The following TRMU variants were observed in gnomAD, a reference collection of about 807,000 sequenced individuals.
TRMU encodes mitochondrial tRNA-specific 2-thiouridylase 1.
In TRMU, 49 loss-of-function variants were observed where a neutral mutation model predicts 46.9. That is an observed-to-expected ratio of 1.05 (90% CI 0.83 to 1.33). The LOEUF is 1.33. TRMU is among the 40% of genes most tolerant of loss of function. The pLI is 0.00. For missense variants in TRMU, 572 were observed against 532.4 expected (o/e 1.07, Z -0.73); for synonymous variants, 241 against 200.9 (o/e 1.20, Z -1.69).
Position 46,335,740 on chromosome 22 carries a change from GCTGGCGAAGTTGGGCGA to G in TRMU, c.-18_-2del. Reference sequence around the variant, plus strand: ...AGGCGCGGAAGCGGCGGTAGCTGCAGCTGGCGAAGTTGGGCGACTGGCGGATGCAGGCCTTGCGGCAC... The same window carrying G: ...AGGCGCGGAAGCGGCGGTAGCTGCAGCTGGCGGATGCAGGCCTTGCGGCAC... On this transcript the variant is annotated 5_prime_UTR_variant, in exon 1 of 11. Coordinates refer to ENST00000645190, the MANE Select transcript of TRMU (RefSeq NM_018006.5). 3 of 1,544,504 alleles carry G rather than the reference GCTGGCGAAGTTGGGCGA, an allele frequency of 1.9e-6. No homozygotes were observed. Among genetic ancestry groups the G allele is most frequent in the Admixed American group, 3.9e-5 (2 of 51,508 alleles).
chr22:46,351,214 A>T lies in TRMU; in HGVS notation c.651+751A>T, dbSNP rs191971225. Among the ~76,000 whole-genome samples, 1 of 152,296 alleles carries T rather than the reference A, an allele frequency of 6.6e-6. No homozygotes were observed. The highest frequency in any genetic ancestry group is 1.5e-5 in the Non-Finnish European group (1 of 68,024). Reference sequence around the variant, plus strand: ...GTGCAAAGGCCTTGAGGCGAGGAGAAGCCAGGGAGCCGCTGTGGGGGTGCC... The same window carrying T: ...GTGCAAAGGCCTTGAGGCGAGGAGATGCCAGGGAGCCGCTGTGGGGGTGCC... On this transcript the variant is annotated intron_variant, in intron 5 of 10. Transcript: ENST00000645190. This position sits in a 1 kb window ranked among gnomAD's most constrained non-coding sequence, Gnocchi z 6.4.
Position 46,351,952 on chromosome 22 carries a change from C to A in TRMU, c.652-169C>A. On this transcript the variant is annotated intron_variant, in intron 5 of 10. Coordinates refer to ENST00000645190, the MANE Select transcript of TRMU (RefSeq NM_018006.5). The surrounding 1 kb of genome is among the most constrained non-coding windows in gnomAD (Gnocchi z 6.4). ...TTCTCTAAGGCTCTGGCATCGTGTG[C>A]GCCGGCTGTGACTGGCGGCCGAGGG... 1 of 779,576 alleles carries A rather than the reference C, an allele frequency of 1.3e-6. No individual in the cohort carries two copies. Among genetic ancestry groups the A allele is most frequent in the South Asian group, 1.4e-5 (1 of 73,134 alleles). The allele number at this position is 779,576 out of a possible 1,614,324, so 48.3% of individuals were successfully genotyped here.
chr22:46,351,628 C>T lies in TRMU; in HGVS notation c.652-493C>T, dbSNP rs999956700. ...CTTGAGAGACACAAACCAGAGTAAA[C>T]GATGCAGCCCCTGATGGGGCCACGG... On this transcript the variant is annotated intron_variant, in intron 5 of 10. Transcript: ENST00000645190. This position sits in a 1 kb window ranked among gnomAD's most constrained non-coding sequence, Gnocchi z 6.4. The T allele has an allele frequency of 4.9e-5, 12 of 243,546 alleles. No individual in the cohort carries two copies. Among genetic ancestry groups the T allele is most frequent in the Non-Finnish European group, 8.1e-5 (10 of 122,972 alleles). The allele number at this position is 243,546 out of a possible 1,614,324, so 15.1% of individuals were successfully genotyped here. A position where few individuals can be genotyped will look rare whatever the true frequency, so the allele number is the denominator to read the frequency against.
At position 46,351,229 on chromosome 22, in the gene TRMU, G is replaced by C. The variant is rs948388388; in HGVS notation, c.651+766G>C. On this transcript the variant is annotated intron_variant, in intron 5 of 10. Coordinates refer to ENST00000645190, the MANE Select transcript of TRMU (RefSeq NM_018006.5). This position sits in a 1 kb window ranked among gnomAD's most constrained non-coding sequence, Gnocchi z 6.4. ...GGCGAGGAGAAGCCAGGGAGCCGCT[G>C]TGGGGGTGCCTGCCTGTGGCCCCAG... 6.6e-6 allele frequency among the ~76,000 whole-genome samples: 1 copy of C among 152,214 alleles called. No individual in the cohort carries two copies. The highest frequency in any genetic ancestry group is 1.5e-5 in the Non-Finnish European group (1 of 68,042).
chr22:46,338,330 C>A lies in TRMU; in HGVS notation c.248+386C>A. On this transcript the variant is annotated intron_variant, in intron 2 of 10. Transcript: ENST00000645190. This position sits in a 1 kb window ranked among gnomAD's most constrained non-coding sequence, Gnocchi z 4.5. ...GGGGATTTCTGAGAAAGAGGTGATA[C>A]ATGGCCTGTGCCTCTGAAAACAAGA... 3.5e-6 allele frequency: 1 copy of A among 284,116 alleles called. No individual in the cohort carries two copies. Among genetic ancestry groups the A allele is most frequent in the Admixed American group, 4.5e-5 (1 of 22,068 alleles). The allele number at this position is 284,116 out of a possible 1,614,324, so 17.6% of individuals were successfully genotyped here.
rs750322364 is a variant in TRMU at position 46,356,822 on chromosome 22, C to T, written c.1102-20C>T. 1 of 1,612,198 alleles carries T rather than the reference C, an allele frequency of 6.2e-7. No homozygotes were observed. The highest frequency in any genetic ancestry group is 2.2e-5 in the East Asian group (1 of 44,862). On this transcript the variant is annotated intron_variant, in intron 10 of 10. Coordinates refer to ENST00000645190, the MANE Select transcript of TRMU (RefSeq NM_018006.5). ...CTGGCTCCCTGTGGCACCCCTGATGCCAGGGTCTCTCCCCTACAGTTTGCT... is the reference window on the plus strand; with the variant it reads ...CTGGCTCCCTGTGGCACCCCTGATGTCAGGGTCTCTCCCCTACAGTTTGCT...
rs141131819 is a variant in TRMU at position 46,344,717 on chromosome 22, G to A, written c.355+1349G>A. 2.1e-3 allele frequency among the ~76,000 whole-genome samples: 319 copies of A among 152,334 alleles called. 1 individual carries two copies. Among genetic ancestry groups the A allele is most frequent in the African/African-American group, 7.1e-3 (297 of 41,570 alleles). On this transcript the variant is annotated intron_variant, in intron 3 of 10. Coordinates refer to ENST00000645190, the MANE Select transcript of TRMU (RefSeq NM_018006.5). ...CACACCTGGAAGAAAGGCATGAACC[G>A]TGCAGCACAGGATGAGAGGACATGA...
intron 2 of TRMU, among the ~76,000 whole-genome samples, chr22:46,341,373 A>C (rs1328325276): frequency 6.6e-6 from 1 of 152,226 alleles, no homozygotes; most frequent in Non-Finnish European, 1.5e-5. Flanking sequence ...TCTAATAATT[A>C]AAGCAAAATG....
At position 46,338,088 on chromosome 22, in the gene TRMU, C is replaced by T. The variant is rs2078027941; in HGVS notation, c.248+144C>T. ...TGGTGCTGAAGACTGCAAGAGGCCT[C>T]AGCCACCCTCGGGGCTCTGTGTTAG... On this transcript the variant is annotated intron_variant, in intron 2 of 10. Transcript: ENST00000645190. The surrounding 1 kb of genome is among the most constrained non-coding windows in gnomAD (Gnocchi z 4.5). 8.7e-7 allele frequency: 1 copy of T among 1,146,518 alleles called. No individual in the cohort carries two copies. Among genetic ancestry groups the T allele is most frequent in the African/African-American group, 1.5e-5 (1 of 65,890 alleles). The allele number at this position is 1,146,518 out of a possible 1,614,324, so 71.0% of individuals were successfully genotyped here.
chr22:46,356,207 T>C (rs2078603960), intron 10 of TRMU, 135 bp downstream of exon 10: 2 of 931,676 alleles, frequency 2.1e-6, no homozygotes, highest in Non-Finnish European at 3.3e-6. Flanking sequence ...GAGGGCAGAG[T>C]GCCACCAGCC....
intron 8 of TRMU, 157 bp from the exon 9 acceptor site, chr22:46,355,287 G>T: frequency 8.6e-7 from 1 of 1,160,638 alleles, no homozygotes; most frequent in South Asian, 1.4e-5. Flanking sequence ...GGCGGGTGAT[G>T]AGATGAATTT....
chr22:46,355,705 G>A, intron 9 of TRMU, 117 bp downstream of exon 9: 1 of 1,525,752 alleles, frequency 6.6e-7, no homozygotes, highest in Non-Finnish European at 9.0e-7. Context: ...GAGATCATTT[G>A]GAGATTACCT....
chr22:46,344,354 T>C (rs1324958811), intron 3 of TRMU, among the ~76,000 whole-genome samples: 4 of 152,224 alleles, frequency 2.6e-5, no homozygotes, highest in Non-Finnish European at 5.9e-5. Context: ...TTAGACCGTA[T>C]TAGTTATTCA....
At position 46,351,669 on chromosome 22, in the gene TRMU, A is replaced by G. The variant is rs35492481; in HGVS notation, c.652-452A>G. ...GGGGCCACGGTGGAGAGCGCACGCC[A>G]CCCAGGCTCCCCAGCTAGGGCAGAT... On this transcript the variant is annotated intron_variant, in intron 5 of 10. Transcript: ENST00000645190. The surrounding 1 kb of genome is among the most constrained non-coding windows in gnomAD (Gnocchi z 6.4). 0.019 allele frequency: 5,485 copies of G among 293,966 alleles called. 309 individuals carry two copies. Among genetic ancestry groups the G allele is most frequent in the African/African-American group, 0.11 (5,040 of 46,112 alleles). 18.2% of individuals were successfully genotyped at this position (293,966 alleles called of 1,614,324 possible). A position where few individuals can be genotyped will look rare whatever the true frequency, so the allele number is the denominator to read the frequency against.
In TRMU at chr22:46,356,863, G is replaced by T. The variant is rs945086416; in HGVS notation, c.1123G>T (p.Asp375Tyr). Reference protein sequence around the residue: ...TGQFAVFYKGDECLGSGKILR... With the variant: ...TGQFAVFYKGYECLGSGKILR... ...ACAGTTTGCTGTGTTCTACAAGGGG[G>T]ACGAGTGCCTGGGCAGCGGGAAGAT... The change falls in exon 11 of 11, where the codon GAC becomes TAC. Residue 375 changes from aspartate to tyrosine, a missense_variant. Asp to Tyr is a radical substitution (Grantham distance 160). Coordinates refer to ENST00000645190, the MANE Select transcript of TRMU (RefSeq NM_018006.5). The T allele has an allele frequency of 6.2e-7, 1 of 1,613,394 alleles. No individual in the cohort carries two copies. Among genetic ancestry groups the T allele is most frequent in the Non-Finnish European group, 8.5e-7 (1 of 1,179,938 alleles).
At chr22:46,355,689 G>A (rs1156556361) in intron 9 of TRMU, 101 bp downstream of exon 9, 33 of 1,572,182 alleles carry the variant, frequency 2.1e-5, no homozygotes, top group East Asian at 4.5e-5. Context: ...GGAAAGTCCC[G>A]TTGTGGAGAT....
rs1569057492 is a variant in TRMU, at chr22:46,335,996, G to T, written c.82+150G>T. ...GAGGATACCCCGTCCTCTGACTTTG[G>T]TTCGGAGGCTCCTCGCCCTCCACCT... is the stretch of plus-strand genomic sequence containing the variant. On this transcript the variant is annotated intron_variant, in intron 1 of 10. Coordinates refer to ENST00000645190, the MANE Select transcript of TRMU (RefSeq NM_018006.5). 3.2e-5 allele frequency: 46 copies of T among 1,453,390 alleles called. No individual in the cohort carries two copies. The East Asian group carries it at 1.2e-3, about 37-fold the overall frequency. 90.0% of individuals were successfully genotyped at this position (1,453,390 alleles called of 1,614,324 possible). A position where few individuals can be genotyped will look rare whatever the true frequency, so the allele number is the denominator to read the frequency against.
At position 46,338,280 on chromosome 22, in the gene TRMU, T is replaced by A. The variant is rs1490865266; in HGVS notation, c.248+336T>A. 2 of 350,114 alleles carry A rather than the reference T, an allele frequency of 5.7e-6. No individual in the cohort carries two copies. The highest frequency in any genetic ancestry group is 5.5e-6 in the Non-Finnish European group (1 of 180,338). The allele number at this position is 350,114 out of a possible 1,614,324, so 21.7% of individuals were successfully genotyped here. A position where few individuals can be genotyped will look rare whatever the true frequency, so the allele number is the denominator to read the frequency against. On this transcript the variant is annotated intron_variant, in intron 2 of 10. Coordinates refer to ENST00000645190, the MANE Select transcript of TRMU (RefSeq NM_018006.5). This position sits in a 1 kb window ranked among gnomAD's most constrained non-coding sequence, Gnocchi z 4.5. ...CCCCTGGAAGGTGAGCACCAATGCC[T>A]GTGTGCTATGTGGGTCAGCGATTAG...
intron 2 of TRMU, among the ~76,000 whole-genome samples, chr22:46,340,979 C>T (rs1372731922): frequency 6.6e-6 from 1 of 152,254 alleles, no homozygotes; most frequent in African/African-American, 2.4e-5. Context: ...AGACTCACTT[C>T]TCTAGTAGGG....
Sources: gnomAD v4.1 joint callset for allele counts (sites outside exome capture counted in the v4.1 genomes callset) on GRCh38, gnomAD v4.1.1 for gene constraint, Gnocchi (gnomAD v3.1) non-coding constraint, MANE v1.5 for transcripts, NCBI Gene and HGNC (gene_info 2026-07-23, HGNC 2026-07-21) for gene names.